UBE2H: variants seen among roughly 807,000 people sequenced by gnomAD.
The protein encoded by UBE2H is ubiquitin-conjugating enzyme E2 H.
Under a neutral mutation model 29.0 loss-of-function variants are expected in UBE2H, and 3 were observed. The ratio of observed to expected loss-of-function variants is 0.10; its 90% CI spans 0.05 to 0.27. The LOEUF (loss-of-function observed/expected upper bound fraction) is 0.27, where lower values mean the gene tolerates loss of function less well. Among genes scored for constraint, UBE2H ranks in the 10% least tolerant of loss-of-function variants. The pLI, the probability that UBE2H is intolerant of heterozygous loss-of-function variation, is 1.00. For synonymous variants in UBE2H, 69 were observed against 82.9 expected, an observed-to-expected ratio of 0.83 and a Z score of 0.91; for missense variants, 68 against 228.2, an observed-to-expected ratio of 0.30 and a Z score of 4.52.
chr7:129,921,249 G>GA (rs1807155762), intron 1 of UBE2H, among the ~76,000 whole-genome samples: 1 of 152,066 alleles, frequency 6.6e-6, no homozygotes, highest in African/African-American at 2.4e-5. Context: ...TCTAAGGGCA[G>GA]AAAAATGGAC....
intron 3 of UBE2H, among the ~76,000 whole-genome samples, chr7:129,866,527 A>T (rs898770404): frequency 6.6e-6 from 1 of 152,202 alleles, no homozygotes; most frequent in Admixed American, 6.5e-5. Context: ...ATGGTCAGAG[A>T]CAATACAGTA....
chr7:129,934,630 T>TC (rs1296909479), intron 1 of UBE2H, among the ~76,000 whole-genome samples: 2 of 107,654 alleles, frequency 1.9e-5, no homozygotes, highest in Non-Finnish European at 3.5e-5. Flanking sequence ...AGAGCAAGAC[T>TC]CCGTCTTTAA....
At chr7:129,888,057 A>T (rs1439610634) in intron 1 of UBE2H, among the ~76,000 whole-genome samples, 1 of 152,240 alleles carries the variant, frequency 6.6e-6, no homozygotes, top group Non-Finnish European at 1.5e-5. Flanking sequence ...TATCCATGAC[A>T]AACAGCCTCT....
At chr7:129,852,935 T>C (rs1204297910) in intron 5 of UBE2H, among the ~76,000 whole-genome samples, 2 of 152,156 alleles carry the variant, frequency 1.3e-5, no homozygotes, top group Non-Finnish European at 2.9e-5. Context: ...ATGTTGGTTA[T>C]GGCTGGTCTC....
intron 5 of UBE2H, among the ~76,000 whole-genome samples, chr7:129,844,682 TATG>T (rs1805482350): frequency 6.6e-6 from 1 of 152,246 alleles, no homozygotes; most frequent in Admixed American, 6.5e-5. Flanking sequence ...GTATATGGTT[TATG>T]ATGAGCAAAC....
chr7:129,835,195 C>G, intron 6 of UBE2H, 134 bp from the exon 7 acceptor site: 1 of 1,284,214 alleles, frequency 7.8e-7, no homozygotes, highest in Non-Finnish European at 1.1e-6. Flanking sequence ...TGACAGTAAT[C>G]ATGATCACTA....
chr7:129,908,248 G>GTTTC (rs1238290098), intron 1 of UBE2H, among the ~76,000 whole-genome samples: 1 of 152,172 alleles, frequency 6.6e-6, no homozygotes, highest in Non-Finnish European at 1.5e-5. Context: ...CATTTTACTA[G>GTTTC]TTTCAAGAAT....
chr7:129,835,087 A>G, intron 6 of UBE2H, 26 bp from the exon 7 acceptor site: 1 of 1,613,666 alleles, frequency 6.2e-7, no homozygotes, highest in Non-Finnish European at 8.5e-7. Context: ...GAAAGACAAC[A>G]AGGGCAGTGA....
intron 1 of UBE2H, among the ~76,000 whole-genome samples, chr7:129,913,252 C>CAAA (rs59869623): frequency 6.2e-4 from 47 of 75,544 alleles, no homozygotes; most frequent in Admixed American, 1.6e-3. Flanking sequence ...AACTCCGTCT[C>CAAA]AAAAAAAAAA....
chr7:129,907,200 A>G (rs1424834038), intron 1 of UBE2H, among the ~76,000 whole-genome samples: 1 of 152,056 alleles, frequency 6.6e-6, no homozygotes, highest in Non-Finnish European at 1.5e-5. Context: ...ATAGTTTACA[A>G]CTTTGTTGGG....
intron 5 of UBE2H, among the ~76,000 whole-genome samples, chr7:129,851,841 C>T (rs939781828): frequency 6.6e-6 from 1 of 152,134 alleles, no homozygotes; most frequent in Non-Finnish European, 1.5e-5. Flanking sequence ...CCACATACAC[C>T]TCATCTGAAG....
intron 1 of UBE2H, among the ~76,000 whole-genome samples, chr7:129,893,861 C>T (rs1806548572): frequency 6.6e-6 from 1 of 152,172 alleles, no homozygotes; most frequent in African/African-American, 2.4e-5. Context: ...AAGGGTTAAT[C>T]AAAAGCCTAC....
At chr7:129,865,092 A>T (rs1172717007) in intron 3 of UBE2H, 1 of 435,132 alleles carries the variant, frequency 2.3e-6, no homozygotes, top group African/African-American at 2.0e-5. Flanking sequence ...AATCACACTT[A>T]ATGTAAAACT....
intron 5 of UBE2H, among the ~76,000 whole-genome samples, chr7:129,842,302 G>A (rs1337619252): frequency 2.6e-5 from 4 of 152,092 alleles, no homozygotes; most frequent in East Asian, 1.9e-4. Context: ...GTGTGATGGC[G>A]CGTGCCTGTA....
intron 1 of UBE2H, among the ~76,000 whole-genome samples, chr7:129,932,537 T>C (rs1396033021): frequency 6.6e-6 from 1 of 151,570 alleles, no homozygotes; most frequent in Non-Finnish European, 1.5e-5. Context: ...TGACACCATT[T>C]CATCATACAT....
chr7:129,952,678 C>T lies in UBE2H; in HGVS notation c.-123G>A, dbSNP rs936634775. ...GGTGGCAACACCCCCGCGGTCCCGG[C>T]GGTCCCGTCAGCCGCCGCCGCCGCC... On this transcript the variant is annotated 5_prime_UTR_variant, in exon 1 of 7. Transcript: ENST00000355621. The T allele has an allele frequency of 4.7e-5, 54 of 1,158,968 alleles. No homozygotes were observed. The highest frequency in any genetic ancestry group is 4.4e-4 in the Admixed American group (12 of 27,314). 71.8% of individuals were successfully genotyped at this position (1,158,968 alleles called of 1,614,324 possible). A position where few individuals can be genotyped will look rare whatever the true frequency, so the allele number is the denominator to read the frequency against.
intron 3 of UBE2H, among the ~76,000 whole-genome samples, chr7:129,868,256 T>C (rs949210536): frequency 1.3e-5 from 2 of 152,108 alleles, no homozygotes; most frequent in Non-Finnish European, 2.9e-5. Context: ...GAAAAGATTA[T>C]ATAATAATGA....
Position 129,831,433 on chromosome 7 carries a change from A to G in UBE2H, c.*3504T>C, listed in dbSNP as rs1265580918. 6.6e-6 allele frequency: 1 copy of G among 152,214 alleles called. No homozygotes were observed. Among genetic ancestry groups the G allele is most frequent in the African/African-American group, 2.4e-5 (1 of 41,450 alleles). 9.4% of individuals were successfully genotyped at this position (152,214 alleles called of 1,614,324 possible). A position where few individuals can be genotyped will look rare whatever the true frequency, so the allele number is the denominator to read the frequency against. On this transcript the variant is annotated 3_prime_UTR_variant, in exon 7 of 7. Coordinates refer to ENST00000355621, the MANE Select transcript of UBE2H (RefSeq NM_003344.4). Reference sequence around the variant, plus strand: ...GAGGCTAGCGGAGGATCTGTCTTTCATGATTCTCAGCCATCCCAACGGGAG... The same window carrying G: ...GAGGCTAGCGGAGGATCTGTCTTTCGTGATTCTCAGCCATCCCAACGGGAG...
rs185778860 is a variant in UBE2H, at chr7:129,950,934, A to G, written c.53+1569T>C. On this transcript the variant is annotated intron_variant, in intron 1 of 6. Transcript: ENST00000355621. ...TTGCGCCTGAACATATATTGGGTAC[A>G]CTATACTTTATTAGTTGCTCCGCTC... 6.9e-3 allele frequency among the ~76,000 whole-genome samples: 1,054 copies of G among 152,284 alleles called. 5 individuals carry two copies. Among genetic ancestry groups the G allele is most frequent in the Non-Finnish European group, 0.011 (780 of 68,020 alleles).
Sources: allele counts gnomAD v4.1 joint callset (sites outside exome capture counted in the v4.1 genomes callset), GRCh38; gene constraint gnomAD v4.1.1; transcripts MANE v1.5; gene names NCBI Gene and HGNC (gene_info 2026-07-23, HGNC 2026-07-21).